Variants in PLXNA4 observed in about 807,000 individuals in gnomAD.
The protein encoded by PLXNA4 is plexin-A4.
PLXNA4 carries 44 observed loss-of-function variants against 191.8 expected under a neutral mutation model. The ratio of observed to expected loss-of-function variants is 0.23; its 90% CI spans 0.18 to 0.29. The LOEUF (loss-of-function observed/expected upper bound fraction) is 0.29, where lower values mean the gene tolerates loss of function less well. Ranked by LOEUF, PLXNA4 falls within the 10% of genes least tolerant of loss-of-function variation. PLXNA4 has a pLI of 1.00. For missense variants in PLXNA4, 1,800 were observed against 2,488.8 expected (o/e 0.72, Z 5.89); for synonymous variants, 1,082 against 1,009.5 (o/e 1.07, Z -1.36).
At chr7:132,373,992 A>T (rs1028109808) in intron 3 of PLXNA4, among the ~76,000 whole-genome samples, 1 of 152,204 alleles carries the variant, frequency 6.6e-6, no homozygotes, top group African/African-American at 2.4e-5. Flanking sequence ...CCCACACTCC[A>T]GTCCAGCAGC....
chr7:132,278,656 T>C (rs2116378077), intron 4 of PLXNA4, among the ~76,000 whole-genome samples: 1 of 152,136 alleles, frequency 6.6e-6, no homozygotes, highest in East Asian at 1.9e-4. Flanking sequence ...ATGGGGAGAA[T>C]GGTTTGCAAG....
At chr7:132,402,567 A>G (rs914673280) in intron 3 of PLXNA4, among the ~76,000 whole-genome samples, 1 of 152,170 alleles carries the variant, frequency 6.6e-6, no homozygotes. Context: ...GCAGCTGGCT[A>G]ATCATCTTAT....
At chr7:132,425,527 C>T (rs1795009520) in intron 3 of PLXNA4, among the ~76,000 whole-genome samples, 1 of 152,110 alleles carries the variant, frequency 6.6e-6, no homozygotes, top group Admixed American at 6.5e-5. Context: ...CCTCACCCTC[C>T]CTCATCAGAT....
chr7:132,492,816 C>T (rs1420211714), intron 2 of PLXNA4, among the ~76,000 whole-genome samples: 2 of 152,164 alleles, frequency 1.3e-5, no homozygotes, highest in Non-Finnish European at 2.9e-5. Context: ...AGCGATGGCA[C>T]CTGGTGAGCT....
chr7:132,237,987 C>G (rs1252626464), intron 5 of PLXNA4, among the ~76,000 whole-genome samples: 1 of 152,152 alleles, frequency 6.6e-6, no homozygotes, highest in East Asian at 1.9e-4. Flanking sequence ...CAAGTGTCCT[C>G]TTCAAGCCCT....
chr7:132,604,322 G>A (rs1783960712), intron 2 of PLXNA4, among the ~76,000 whole-genome samples: 1 of 152,180 alleles, frequency 6.6e-6, no homozygotes, highest in African/African-American at 2.4e-5. Context: ...AATGGGAGGA[G>A]CTAGTCTTCA....
chr7:132,291,240 C>T (rs771987201), intron 4 of PLXNA4, among the ~76,000 whole-genome samples: 1 of 152,202 alleles, frequency 6.6e-6, no homozygotes, highest in East Asian at 1.9e-4. Flanking sequence ...CACCACTTCA[C>T]TCTCTTCTGC....
At chr7:132,386,891 A>T (rs1805171163) in intron 3 of PLXNA4, among the ~76,000 whole-genome samples, 1 of 152,188 alleles carries the variant, frequency 6.6e-6, no homozygotes, top group African/African-American at 2.4e-5. Context: ...GAGCTTCTCA[A>T]ATTGTTTTGA....
At chr7:132,187,278 AT>A (rs1293665655) in intron 15 of PLXNA4, among the ~76,000 whole-genome samples, 192 bp downstream of exon 15, 1 of 152,154 alleles carries the variant, frequency 6.6e-6, no homozygotes, top group Non-Finnish European at 1.5e-5. Flanking sequence ...CCAGCTCTGT[AT>A]TGATTAAATT....
chr7:132,438,744 T>C (rs183300836), intron 3 of PLXNA4, among the ~76,000 whole-genome samples: 1 of 152,352 alleles, frequency 6.6e-6, no homozygotes, highest in East Asian at 1.9e-4. Flanking sequence ...TACAGCTCTG[T>C]GGAGTTTTAG....
chr7:132,292,690 A>C (rs1291598616), intron 4 of PLXNA4, among the ~76,000 whole-genome samples: 1 of 152,182 alleles, frequency 6.6e-6, no homozygotes, highest in Non-Finnish European at 1.5e-5. Flanking sequence ...CACAAGAGAG[A>C]CAAGGTCCCT....
chr7:132,550,049 C>G (rs988399801), intron 1 of PLXNA4, among the ~76,000 whole-genome samples: 1 of 152,148 alleles, frequency 6.6e-6, no homozygotes, highest in Non-Finnish European at 1.5e-5. Flanking sequence ...GGGGTTGGAA[C>G]CTTGTTCTGC....
intron 25 of PLXNA4, among the ~76,000 whole-genome samples, chr7:132,149,617 C>G (rs910941479): frequency 4.6e-5 from 7 of 152,212 alleles, no homozygotes; most frequent in African/African-American, 1.7e-4. Context: ...ACGTGTGTTC[C>G]AGCCAAGAAG....
At chr7:132,413,989 A>G (rs577004314) in intron 3 of PLXNA4, among the ~76,000 whole-genome samples, 191 of 152,306 alleles carry the variant, frequency 1.3e-3, no homozygotes, top group Non-Finnish European at 1.7e-3. Context: ...AAGTCTCCCA[A>G]TCATGGCAGA....
Position 132,516,745 on chromosome 7 carries a change from G to A in PLXNA4, c.-86-7966C>T, listed in dbSNP as rs972773283. ...GGCCGAGGCAGGTGGATCACTTGAGGTCAGGAGTTTGAGACCAGCCTAGCC... is the reference window on the plus strand; with the variant it reads ...GGCCGAGGCAGGTGGATCACTTGAGATCAGGAGTTTGAGACCAGCCTAGCC... On this transcript the variant is annotated intron_variant, in intron 1 of 31. Coordinates refer to ENST00000321063, the MANE Select transcript of PLXNA4 (RefSeq NM_020911.2). Among the ~76,000 whole-genome samples, 4 of 152,116 alleles carry A rather than the reference G, an allele frequency of 2.6e-5. No homozygotes were observed. The South Asian group carries it at 8.3e-4, about 32-fold the overall frequency.
In PLXNA4 at chr7:132,418,778, AG is replaced by A. The variant is rs560238507; in HGVS notation, c.1371+70513del. ...AGGGGGTGTGGGAAGAAGAACAAAGAGTAAGCAGGAGGGGAAGAAGTGAGAG... is the reference window on the plus strand; with the variant it reads ...AGGGGGTGTGGGAAGAAGAACAAAGATAAGCAGGAGGGGAAGAAGTGAGAG... On this transcript the variant is annotated intron_variant, in intron 3 of 31. Transcript: ENST00000321063. Among the ~76,000 whole-genome samples, 38 of 152,292 alleles carry A rather than the reference AG, an allele frequency of 2.5e-4. No individual in the cohort carries two copies. In the South Asian group the frequency reaches 3.1e-3, roughly 12 times the overall value.
intron 10 of PLXNA4, among the ~76,000 whole-genome samples, chr7:132,208,153 C>A (rs1225510949): frequency 6.6e-6 from 1 of 152,176 alleles, no homozygotes; most frequent in Non-Finnish European, 1.5e-5. Flanking sequence ...GCAACCTGAC[C>A]CAGACCAGCA....
At chr7:132,140,863 T>C in intron 29 of PLXNA4, 52 bp from the exon 30 acceptor site, 1 of 1,604,122 alleles carries the variant, frequency 6.2e-7, no homozygotes, top group Non-Finnish European at 8.5e-7. Flanking sequence ...AGTGGGGCTG[T>C]GGTGTGGGTA....
chr7:132,248,479 C>T (rs182750624), intron 4 of PLXNA4, among the ~76,000 whole-genome samples: 4 of 152,194 alleles, frequency 2.6e-5, no homozygotes, highest in Admixed American at 1.3e-4. Flanking sequence ...GCAAAGGTCC[C>T]GTGAAAGGTA....
Sources: gnomAD v4.1 joint callset for allele counts (sites outside exome capture counted in the v4.1 genomes callset) on GRCh38, gnomAD v4.1.1 for gene constraint, MANE v1.5 for transcripts, NCBI Gene and HGNC (gene_info 2026-07-23, HGNC 2026-07-21) for gene names.